CASP1: variants seen among roughly 807,000 people sequenced by gnomAD.
CASP1 encodes the protein caspase-1.
A neutral mutation model predicts 41.2 loss-of-function variants in CASP1; 31 were observed. That is an observed-to-expected ratio of 0.75 (90% CI 0.57 to 1.02). CASP1 has a LOEUF of 1.02. Among genes scored for constraint, CASP1 ranks in the 50% least tolerant of loss-of-function variants. CASP1 has a pLI of 0.00. For missense variants in CASP1, 490 were observed against 495.7 expected (o/e 0.99, Z 0.11); for synonymous variants, 163 against 166.5 (o/e 0.98, Z 0.16).
At chr11:105,030,939 A>G (rs978591952) in intron 4 of CASP1, 1 of 485,276 alleles carries the variant, frequency 2.1e-6, no homozygotes, top group African/African-American at 1.9e-5. Context: ...TAAGCATTCA[A>G]TAGCTGTCAT....
chr11:105,025,472 C>T, downstream of CASP1: 1 of 398,694 alleles, frequency 2.5e-6, no homozygotes, highest in Non-Finnish European at 4.8e-6. Flanking sequence ...AGTTCCAGTC[C>T]CTGTTTCTTC....
chr11:105,029,396 C>G lies in CASP1; in HGVS notation c.863-129G>C, dbSNP rs775487328. On this transcript the variant is annotated intron_variant, in intron 6 of 8. Transcript: ENST00000533400. ...TAATTCACATGCAAATAGACACATG[C>G]ATTTCAGTTACAATCTTTTCAACAA... The G allele has an allele frequency of 2.0e-5, 15 of 744,356 alleles. No homozygotes were observed. The African/African-American group carries it at 2.5e-4, about 12-fold the overall frequency. 46.1% of individuals were successfully genotyped at this position (744,356 alleles called of 1,614,324 possible).
chr11:105,032,748 T>C (rs1396638261), intron 3 of CASP1, among the ~76,000 whole-genome samples: 2 of 152,102 alleles, frequency 1.3e-5, no homozygotes, highest in Non-Finnish European at 2.9e-5. Context: ...AAGTATAGCA[T>C]TTTCAGCTCT....
rs761547072 is a variant in CASP1 at position 105,029,800 on chromosome 11, T to C, written c.727A>G (p.Ile243Val). 22 of 1,613,626 alleles carry C rather than the reference T, an allele frequency of 1.4e-5. No individual in the cohort carries two copies. The highest frequency in any genetic ancestry group is 1.9e-5 in the Non-Finnish European group (22 of 1,179,750). Reference sequence around the variant, plus strand: ...TGCTCAGAGTGTTTCTTCCCACAAATGCCTTCCCGAATACCATGAGACATG... The same window carrying C: ...TGCTCAGAGTGTTTCTTCCCACAAACGCCTTCCCGAATACCATGAGACATG... ...VFMSHGIREG[I>V]CGKKHSEQVP... The change falls in exon 6 of 9, where the codon ATT becomes GTT. Residue 243 changes from isoleucine (I) to valine (V), a missense_variant. Physicochemically the swap from Ile to Val is conservative, Grantham distance 29 (BLOSUM62 3). Transcript: ENST00000533400.
chr11:105,026,616 G>C (rs1863306234), intron 8 of CASP1: 1 of 601,160 alleles, frequency 1.7e-6, no homozygotes, highest in African/African-American at 1.9e-5. Flanking sequence ...GTCTCTGCAG[G>C]GCAGGAGCGG....
At position 105,026,050 on chromosome 11, in the gene CASP1, TA is replaced by T; in HGVS notation, c.*207del. On this transcript the variant is annotated 3_prime_UTR_variant, in exon 9 of 9. Transcript: ENST00000533400. ...AAACCTATAATTTGAAATGTTTCAA[TA>T]AACATTTCCTTTGAATATCATGTGG... 2.3e-6 allele frequency: 1 copy of T among 438,580 alleles called. No homozygotes were observed. The highest frequency in any genetic ancestry group is 4.1e-6 in the Non-Finnish European group (1 of 246,004). The allele number at this position is 438,580 out of a possible 1,614,324, so 27.2% of individuals were successfully genotyped here. A position where few individuals can be genotyped will look rare whatever the true frequency, so the allele number is the denominator to read the frequency against.
intron 7 of CASP1, chr11:105,027,214 G>C: frequency 1.7e-6 from 1 of 603,410 alleles, no homozygotes; most frequent in Admixed American, 2.9e-5. Context: ...GCTATACAGG[G>C]GATGGTAATA....
At chr11:105,028,564 C>T (rs542221022) in intron 7 of CASP1, among the ~76,000 whole-genome samples, 21 of 151,746 alleles carry the variant, frequency 1.4e-4, no homozygotes, top group African/African-American at 1.9e-4. Context: ...AAGGAAAGCC[C>T]GAGGAGGAAC....
intron 7 of CASP1, among the ~76,000 whole-genome samples, chr11:105,027,606 G>C (rs1240490683): frequency 6.6e-6 from 1 of 152,024 alleles, no homozygotes; most frequent in Non-Finnish European, 1.5e-5. Context: ...CAATAGCTCT[G>C]TATGTAATGA....
Position 105,034,329 on chromosome 11 carries a change from C to A in CASP1, c.153G>T (p.Met51Ile). Reference sequence around the variant, plus strand: ...AGTCAATCAAAGCTCGGGTCTTATCCATAACTGTAGCATTTTCACGTTTTA... The same window carrying A: ...AGTCAATCAAAGCTCGGGTCTTATCAATAACTGTAGCATTTTCACGTTTTA... ...EKVKRENATV[M>I]DKTRALIDSV... Residue 51 changes from methionine to isoleucine, a missense_variant, in exon 2 of 9, where the codon ATG becomes ATT. By Grantham distance (10) the Met-to-Ile change is conservative. Coordinates refer to ENST00000533400, the MANE Select transcript of CASP1 (RefSeq NM_001257118.3). The A allele has an allele frequency of 6.2e-7, 1 of 1,614,138 alleles. No individual in the cohort carries two copies. Among genetic ancestry groups the A allele is most frequent in the Non-Finnish European group, 8.5e-7 (1 of 1,180,004 alleles).
intron 2 of CASP1, 166 bp downstream of exon 2, chr11:105,034,042 C>A (rs940937090): frequency 3.5e-6 from 4 of 1,131,900 alleles, no homozygotes; most frequent in Non-Finnish European, 5.3e-6. Context: ...GGAAAAGAAT[C>A]AAAGGAGAGT....
Position 105,026,150 on chromosome 11 carries a change from C to T in CASP1, c.*108G>A. On this transcript the variant is annotated 3_prime_UTR_variant, in exon 9 of 9. Transcript: ENST00000533400. ...GGATTAAGGATTCTCAGCCTGTAAACCTAGAGTTCTTGACTCAAATGGACT... is the reference window on the plus strand; with the variant it reads ...GGATTAAGGATTCTCAGCCTGTAAATCTAGAGTTCTTGACTCAAATGGACT... The T allele has an allele frequency of 1.5e-6, 1 of 671,278 alleles. No individual in the cohort carries two copies. The highest frequency in any genetic ancestry group is 2.6e-6 in the Non-Finnish European group (1 of 388,542). The allele number at this position is 671,278 out of a possible 1,614,324, so 41.6% of individuals were successfully genotyped here. A position where few individuals can be genotyped will look rare whatever the true frequency, so the allele number is the denominator to read the frequency against.
intron 2 of CASP1, chr11:105,033,810 A>T: frequency 2.0e-6 from 1 of 492,648 alleles, no homozygotes; most frequent in Non-Finnish European, 3.9e-6. Flanking sequence ...GTATTTGATT[A>T]TAAACCTTAA....
chr11:105,034,503 C>T, intron 1 of CASP1, 29 bp from the exon 2 acceptor site: 1 of 1,612,124 alleles, frequency 6.2e-7, no homozygotes, highest in Non-Finnish European at 8.5e-7. Flanking sequence ...TTTCTCACAT[C>T]ATGAAAACAG....
rs924025176 is a variant in CASP1, at chr11:105,032,942, G to T, written c.337+122C>A. 8.4e-5 allele frequency: 54 copies of T among 645,334 alleles called. No homozygotes were observed. The African/African-American group carries it at 8.7e-4, about 10-fold the overall frequency. 40.0% of individuals were successfully genotyped at this position (645,334 alleles called of 1,614,324 possible). On this transcript the variant is annotated intron_variant, in intron 3 of 8. Transcript: ENST00000533400. ...ACAAAAGCAGAATAGATTACAAAAAGAAAATTATATGACCAATCTATGAGA... is the reference window on the plus strand; with the variant it reads ...ACAAAAGCAGAATAGATTACAAAAATAAAATTATATGACCAATCTATGAGA...
At position 105,025,993 on chromosome 11, in the gene CASP1, G is replaced by A. The variant is rs1292425900; in HGVS notation, c.*265C>T. The A allele has an allele frequency of 2.7e-6, 1 of 366,974 alleles. No homozygotes were observed. The highest frequency in any genetic ancestry group is 4.5e-5 in the South Asian group (1 of 22,340). 22.7% of individuals were successfully genotyped at this position (366,974 alleles called of 1,614,324 possible). On this transcript the variant is annotated 3_prime_UTR_variant, in exon 9 of 9. Coordinates refer to ENST00000533400, the MANE Select transcript of CASP1 (RefSeq NM_001257118.3). ...TATTTTTGTATATTGGAATTCAGCT[G>A]TATACTTACTGGTTTAGCATCCCTA...
At chr11:105,029,309 G>C (rs757389621) in intron 6 of CASP1, 42 bp from the exon 7 acceptor site, 1 of 1,569,052 alleles carries the variant, frequency 6.4e-7, no homozygotes. Context: ...ACCAATGGCT[G>C]AGAAGATGTT....
chr11:105,034,049 G>A, intron 2 of CASP1, 159 bp downstream of exon 2: 1 of 1,153,424 alleles, frequency 8.7e-7, no homozygotes, highest in Non-Finnish European at 1.3e-6. Context: ...AATCAAAGGA[G>A]AGTCAAGGGA....
Position 105,026,921 on chromosome 11 carries a change from C to G in CASP1, c.1037G>C (p.Gly346Ala). The change falls in exon 8 of 9, where the codon GGC becomes GCC. Residue 346 changes from glycine to alanine, a missense_variant. Coordinates refer to ENST00000533400, the MANE Select transcript of CASP1 (RefSeq NM_001257118.3). ...DNVSWRHPTM[G>A]SVFIGRLIEH... Reference sequence around the variant, plus strand: ...AATGAGTCTTCCAATAAAAACAGAGCCCATTGTGGGATGTCTCCAAGAAAC... The same window carrying G: ...AATGAGTCTTCCAATAAAAACAGAGGCCATTGTGGGATGTCTCCAAGAAAC... 1 of 1,605,164 alleles carries G rather than the reference C, an allele frequency of 6.2e-7. No individual in the cohort carries two copies. The highest frequency in any genetic ancestry group is 1.3e-5 in the African/African-American group (1 of 74,814).
Sources: allele counts gnomAD v4.1 joint callset (sites outside exome capture counted in the v4.1 genomes callset), GRCh38; gene constraint gnomAD v4.1.1; transcripts MANE v1.5; gene names NCBI Gene and HGNC (gene_info 2026-07-23, HGNC 2026-07-21).